DCC: variants seen among roughly 807,000 people sequenced by gnomAD.
DCC encodes the protein DCC netrin 1 receptor.
DCC carries 58 observed loss-of-function variants against 172.5 expected under a neutral mutation model. That is an observed-to-expected ratio of 0.34 (90% CI 0.27 to 0.42). DCC has a LOEUF of 0.42. Ranked by LOEUF, DCC falls within the 10% of genes least tolerant of loss-of-function variation. DCC has a pLI of 1.00. For missense variants in DCC, 1,740 were observed against 1,791.0 expected (o/e 0.97, Z 0.51); for synonymous variants, 709 against 644.5 (o/e 1.10, Z -1.52).
chr18:52,750,903 A>T (rs1352695065), intron 1 of DCC, among the ~76,000 whole-genome samples: 2 of 152,226 alleles, frequency 1.3e-5, no homozygotes, highest in Non-Finnish European at 2.9e-5. Context: ...TCGTGGAAAA[A>T]AAAAATGAAG....
chr18:53,109,510 G>A (rs1484783233), intron 7 of DCC, among the ~76,000 whole-genome samples: 1 of 151,376 alleles, frequency 6.6e-6, no homozygotes, highest in Non-Finnish European at 1.5e-5. Context: ...CTGTCTCTGT[G>A]TGTGTGTGTC....
At chr18:52,824,070 T>C (rs1235940684) in intron 2 of DCC, among the ~76,000 whole-genome samples, 3 of 152,162 alleles carry the variant, frequency 2.0e-5, no homozygotes, top group Non-Finnish European at 4.4e-5. Context: ...TGCAACTCCA[T>C]GGCCAGTTGG....
At chr18:52,623,988 C>T (rs2034527029) in intron 1 of DCC, among the ~76,000 whole-genome samples, 1 of 152,064 alleles carries the variant, frequency 6.6e-6, no homozygotes, top group South Asian at 2.1e-4. Context: ...CGCTTCTTTC[C>T]CTAGAAATTG....
intron 2 of DCC, among the ~76,000 whole-genome samples, chr18:52,808,627 A>T (rs1443252473): frequency 6.6e-6 from 1 of 152,194 alleles, no homozygotes; most frequent in East Asian, 1.9e-4. Flanking sequence ...CTGTTCCAAA[A>T]TACAATACAT....
intron 1 of DCC, among the ~76,000 whole-genome samples, chr18:52,650,569 GTTTGT>G (rs2035112840): frequency 6.6e-6 from 1 of 151,812 alleles, no homozygotes; most frequent in Non-Finnish European, 1.5e-5. Context: ...TTGTTTGTTT[GTTTGT>G]TTTGTCTTTT....
At position 53,402,826 on chromosome 18, in the gene DCC, G is replaced by A. The variant is rs376346520; in HGVS notation, c.2868G>A (p.Arg956=). ...CCAAGGACTTGACAGTCATTACTAGGGAAGGGAAGCCTCGTGCCGTCATTG... is the reference window on the plus strand; with the variant it reads ...CCAAGGACTTGACAGTCATTACTAGAGAAGGGAAGCCTCGTGCCGTCATTG... ...SAPKDLTVIT[R]EGKPRAVIVS... is the part of the protein sequence containing the mutation. The change falls in exon 19 of 29, where the codon AGG becomes AGA. Residue 956 remains arginine (R), a synonymous_variant. Transcript: ENST00000442544. 5.0e-6 allele frequency: 8 copies of A among 1,614,038 alleles called. No homozygotes were observed. The highest frequency in any genetic ancestry group is 6.8e-6 in the Non-Finnish European group (8 of 1,179,996).
At chr18:52,421,511 A>G (rs1404773015) in intron 1 of DCC, among the ~76,000 whole-genome samples, 2 of 152,194 alleles carry the variant, frequency 1.3e-5, no homozygotes, top group African/African-American at 4.8e-5. Flanking sequence ...TCCCAATCCC[A>G]GCCTTGCTGC....
chr18:52,355,191 A>G (rs17816227), intron 1 of DCC, among the ~76,000 whole-genome samples: 25,671 of 151,982 alleles, frequency 0.17, 2,485 homozygotes, highest in East Asian at 0.31. Context: ...GGAAGTCAAG[A>G]CAAGATGATG....
chr18:52,416,123 G>A (rs1290992773), intron 1 of DCC, among the ~76,000 whole-genome samples: 1 of 152,030 alleles, frequency 6.6e-6, no homozygotes, highest in Non-Finnish European at 1.5e-5. Flanking sequence ...CCTTCATTTT[G>A]TTATGTACTC....
intron 1 of DCC, among the ~76,000 whole-genome samples, chr18:52,543,717 A>G (rs969159801): frequency 3.3e-5 from 5 of 152,112 alleles, no homozygotes; most frequent in Admixed American, 2.0e-4. Context: ...CTGAACAGAT[A>G]AAAACCAAAA....
chr18:52,515,228 A>G (rs1316293938), intron 1 of DCC, among the ~76,000 whole-genome samples: 1 of 152,184 alleles, frequency 6.6e-6, no homozygotes, highest in African/African-American at 2.4e-5. Context: ...TGCTAGAGAG[A>G]TTGTGTATCC....
intron 27 of DCC, among the ~76,000 whole-genome samples, chr18:53,517,304 G>C (rs1025838091): frequency 1.1e-4 from 17 of 151,526 alleles, no homozygotes; most frequent in African/African-American, 4.1e-4. Context: ...GTTGTGGGGT[G>C]GGGGGAGGCG....
In DCC at chr18:53,351,598, A is replaced by T. The variant is rs550451973; in HGVS notation, c.2359+11691A>T. Among the ~76,000 whole-genome samples, 21 of 148,536 alleles carry T rather than the reference A, an allele frequency of 1.4e-4. No individual in the cohort carries two copies. In the South Asian group the frequency reaches 4.2e-3, roughly 30 times the overall value. The stretch of plus-strand genomic sequence containing the variant: ...TGTTAAAATAACACTTTCACATTTT[A>T]TTTTGTATTTTATAATCTGAGTTGT... On this transcript the variant is annotated intron_variant, in intron 15 of 28. Transcript: ENST00000442544.
chr18:53,511,839 A>C (rs753368927), intron 27 of DCC, among the ~76,000 whole-genome samples: 4 of 141,294 alleles, frequency 2.8e-5, no homozygotes, highest in Non-Finnish European at 5.9e-5. Context: ...GATTGCTAGC[A>C]CAGCACGGCA....
At chr18:53,405,599 A>G (rs966090470) in intron 19 of DCC, among the ~76,000 whole-genome samples, 2 of 152,196 alleles carry the variant, frequency 1.3e-5, no homozygotes, top group African/African-American at 2.4e-5. Flanking sequence ...TTTAAATATA[A>G]GTACTCAAAA....
At chr18:52,385,714 C>G (rs371513300) in intron 1 of DCC, among the ~76,000 whole-genome samples, 1 of 151,962 alleles carries the variant, frequency 6.6e-6, no homozygotes, top group South Asian at 2.1e-4. Flanking sequence ...CTTGGAAAGT[C>G]GAATCTAAAG....
At chr18:52,770,988 C>T (rs775336569) in intron 2 of DCC, among the ~76,000 whole-genome samples, 5 of 152,220 alleles carry the variant, frequency 3.3e-5, no homozygotes, top group Non-Finnish European at 7.3e-5. Context: ...TTGGCCTCTC[C>T]TTCCCACTGG....
At chr18:53,428,323 T>G (rs1270981440) in intron 21 of DCC, among the ~76,000 whole-genome samples, 19 of 23,878 alleles carry the variant, frequency 8.0e-4, no homozygotes, top group South Asian at 3.1e-3. Context: ...ATATATAATA[T>G]AATATAATAT....
At chr18:52,462,225 C>T (rs942145535) in intron 1 of DCC, among the ~76,000 whole-genome samples, 31 of 152,254 alleles carry the variant, frequency 2.0e-4, no homozygotes, top group African/African-American at 7.0e-4. Context: ...CTTTGGCCCA[C>T]TACATCATAC....
Sources: allele counts gnomAD v4.1 joint callset (sites outside exome capture counted in the v4.1 genomes callset), GRCh38; gene constraint gnomAD v4.1.1; transcripts MANE v1.5; gene names NCBI Gene and HGNC (gene_info 2026-07-23, HGNC 2026-07-21).